Variants in NCOA1 observed in about 807,000 individuals in gnomAD.
NCOA1 encodes nuclear receptor coactivator 1.
Under a neutral mutation model 150.9 loss-of-function variants are expected in NCOA1, and 35 were observed. The observed-to-expected ratio is 0.23, with a 90% CI of 0.18 to 0.31. The LOEUF (loss-of-function observed/expected upper bound fraction) is 0.31, where lower values mean the gene tolerates loss of function less well. NCOA1 is among the 10% of genes least tolerant of loss of function. The pLI, the probability that NCOA1 is intolerant of heterozygous loss-of-function variation, is 1.00. For synonymous variants in NCOA1, 590 were observed against 630.0 expected (o/e 0.94, Z 0.95); for missense variants, 1,491 against 1,749.3 (o/e 0.85, Z 2.63).
At chr2:24,750,249 T>G (rs1302522077) in intron 19 of NCOA1, among the ~76,000 whole-genome samples, 1 of 152,200 alleles carries the variant, frequency 6.6e-6, no homozygotes, top group African/African-American at 2.4e-5. Flanking sequence ...TTAACAAACT[T>G]ATCCTAAAAT....
At chr2:24,626,626 A>G (rs1289253723) in intron 3 of NCOA1, among the ~76,000 whole-genome samples, 1 of 152,136 alleles carries the variant, frequency 6.6e-6, no homozygotes, top group East Asian at 1.9e-4. Flanking sequence ...TGACCTAATA[A>G]ATTTTGGATG....
At chr2:24,559,731 G>T (rs1371565578) in intron 1 of NCOA1, among the ~76,000 whole-genome samples, 1 of 151,392 alleles carries the variant, frequency 6.6e-6, no homozygotes, top group Non-Finnish European at 1.5e-5. Context: ...TGGTATTGGT[G>T]CAGGATTCGT....
chr2:24,677,548 C>T (rs1209245756), intron 7 of NCOA1, among the ~76,000 whole-genome samples: 1 of 152,088 alleles, frequency 6.6e-6, no homozygotes, highest in Non-Finnish European at 1.5e-5. Flanking sequence ...CTCAGCCTCC[C>T]AAGTACCTGG....
At chr2:24,621,142 A>G (rs1314812158) in intron 3 of NCOA1, among the ~76,000 whole-genome samples, 1 of 151,824 alleles carries the variant, frequency 6.6e-6, no homozygotes, top group Non-Finnish European at 1.5e-5. Context: ...CTTGTGTGGT[A>G]TGTGGGGGGT....
chr2:24,629,809 C>CATATATATATATATAT (rs1281547183), intron 3 of NCOA1, among the ~76,000 whole-genome samples: 3 of 97,378 alleles, frequency 3.1e-5, no homozygotes, highest in Non-Finnish European at 3.8e-5. Context: ...TTTTAAGTAA[C>CATATATATATATATAT]ATACATACAT....
intron 2 of NCOA1, among the ~76,000 whole-genome samples, chr2:24,565,153 C>T (rs1666446462): frequency 6.6e-6 from 1 of 152,130 alleles, no homozygotes. Context: ...TGGGGTGGAT[C>T]CCCACTTGAA....
At chr2:24,503,224 G>A (rs572753633) in intron 1 of NCOA1, among the ~76,000 whole-genome samples, 4 of 152,124 alleles carry the variant, frequency 2.6e-5, no homozygotes, top group Non-Finnish European at 4.4e-5. Flanking sequence ...TGGAAATCTG[G>A]TATTGCTTGG....
intron 1 of NCOA1, among the ~76,000 whole-genome samples, chr2:24,505,522 A>G (rs1030012746): frequency 1.5e-4 from 23 of 152,362 alleles, no homozygotes; most frequent in South Asian, 1.2e-3. Context: ...TATAAAATAC[A>G]TGATGACATT....
Position 24,707,184 on chromosome 2 carries a change from A to G in NCOA1, c.1714A>G (p.Arg572Gly), listed in dbSNP as rs773254332. Residue 572 changes from arginine (R) to glycine (G), a missense_variant, in exon 13 of 23, where the codon AGA becomes GGA. Physicochemically the swap from Arg to Gly is moderately radical, Grantham distance 125. Coordinates refer to ENST00000348332, the MANE Select transcript of NCOA1 (RefSeq NM_003743.5). Reference protein sequence around the residue: ...RQMSSQNSPSRLNIQPAKAES... With the variant: ...RQMSSQNSPSGLNIQPAKAES... Reference sequence around the variant, plus strand: ...GATGAGCTCACAGAATTCACCTAGCAGATTAAATATACAACCAGCAAAAGC... The same window carrying G: ...GATGAGCTCACAGAATTCACCTAGCGGATTAAATATACAACCAGCAAAAGC... 2 of 1,614,222 alleles carry G rather than the reference A, an allele frequency of 1.2e-6. No individual in the cohort carries two copies. Among genetic ancestry groups the G allele is most frequent in the South Asian group, 1.1e-5 (1 of 91,088 alleles).
chr2:24,629,950 T>C (rs561481944), intron 3 of NCOA1, among the ~76,000 whole-genome samples: 2 of 151,188 alleles, frequency 1.3e-5, no homozygotes, highest in East Asian at 3.9e-4. Context: ...TTCACACCAT[T>C]CTCCTGCCTC....
chr2:24,659,540 C>T (rs1191965230), intron 5 of NCOA1, among the ~76,000 whole-genome samples: 1 of 152,096 alleles, frequency 6.6e-6, no homozygotes, highest in Admixed American at 6.5e-5. Context: ...ATTAGTATTG[C>T]ATTACATGAA....
Position 24,768,300 on chromosome 2 carries a change from C to G in NCOA1, c.4235C>G (p.Pro1412Arg). 2 of 1,613,920 alleles carry G rather than the reference C, an allele frequency of 1.2e-6. No homozygotes were observed. The highest frequency in any genetic ancestry group is 1.7e-6 in the Non-Finnish European group (2 of 1,179,950). ...GGCGGGGACCCTTACCTGAACCAGC[C>G]TGGTCCACTGGGAACTCAAAAGCCC... ...LVGGDPYLNQ[P>R]GPLGTQKPTS... Residue 1412 changes from proline to arginine, a missense_variant, in exon 23 of 23, where the codon CCT becomes CGT. Transcript: ENST00000348332.
intron 1 of NCOA1, among the ~76,000 whole-genome samples, chr2:24,501,662 C>T (rs544247239): frequency 2.0e-4 from 31 of 152,254 alleles, no homozygotes; most frequent in African/African-American, 7.5e-4. Flanking sequence ...AAATGGCTAT[C>T]ATGATTCTAT....
rs142101398 is a variant in NCOA1, at chr2:24,665,985, TTTATTATTA to T, written c.256+85_256+93del. 3.2e-4 allele frequency: 251 copies of T among 793,038 alleles called. 1 individual carries two copies. The highest frequency in any genetic ancestry group is 8.7e-4 in the Admixed American group (20 of 22,866). 49.1% of individuals were successfully genotyped at this position (793,038 alleles called of 1,614,324 possible). On this transcript the variant is annotated intron_variant, in intron 6 of 22. Transcript: ENST00000348332. Reference sequence around the variant, plus strand: ...AGACATTTATAATATGTGATTTTACTTTATTATTATTATTATTATTATTTTATTATTATT... The same window carrying T: ...AGACATTTATAATATGTGATTTTACTTTATTATTATTATTTTATTATTATT...
chr2:24,665,938 A>G (rs1194626292), intron 6 of NCOA1, 23 bp downstream of exon 6: 4 of 1,383,918 alleles, frequency 2.9e-6, no homozygotes, highest in Non-Finnish European at 3.8e-6. Context: ...AAGAAAACCC[A>G]TGGCTGTGTG....
intron 1 of NCOA1, among the ~76,000 whole-genome samples, chr2:24,550,141 G>T (rs1376248048): frequency 1.3e-5 from 2 of 152,148 alleles, no homozygotes; most frequent in Non-Finnish European, 2.9e-5. Context: ...CATACAACAA[G>T]TCTCTACAAA....
At chr2:24,713,330 G>C (rs1331874331) in intron 14 of NCOA1, among the ~76,000 whole-genome samples, 1 of 151,434 alleles carries the variant, frequency 6.6e-6, no homozygotes, top group African/African-American at 2.4e-5. Flanking sequence ...AAAAATATAA[G>C]AGAATTTTCT....
At chr2:24,650,692 G>A (rs1418440679) in intron 4 of NCOA1, among the ~76,000 whole-genome samples, 3 of 151,972 alleles carry the variant, frequency 2.0e-5, no homozygotes, top group East Asian at 1.9e-4. Flanking sequence ...CATAAAAATG[G>A]CCAACAAGTA....
intron 3 of NCOA1, among the ~76,000 whole-genome samples, chr2:24,638,968 T>G (rs1670060859): frequency 6.6e-6 from 1 of 152,212 alleles, no homozygotes; most frequent in South Asian, 2.1e-4. Flanking sequence ...ATATACCACT[T>G]GATAATAGTC....
Sources: gnomAD v4.1 joint callset for allele counts (sites outside exome capture counted in the v4.1 genomes callset) on GRCh38, gnomAD v4.1.1 for gene constraint, MANE v1.5 for transcripts, NCBI Gene and HGNC (gene_info 2026-07-23, HGNC 2026-07-21) for gene names.